The following SFI1 variants were observed in gnomAD, a reference collection of about 807,000 sequenced individuals.
SFI1 encodes the protein SFI1 centrin binding protein.
In SFI1, 195 loss-of-function variants were observed where a neutral mutation model predicts 207.5. That is an observed-to-expected ratio of 0.94 (90% CI 0.84 to 1.06). The LOEUF is 1.06. Among genes scored for constraint, SFI1 ranks in the 50% least tolerant of loss-of-function variants. The pLI is 0.00. For missense variants in SFI1, 1,634 were observed against 1,588.0 expected (o/e 1.03, Z -0.49); for synonymous variants, 630 against 598.9 (o/e 1.05, Z -0.76).
intron 17 of SFI1, among the ~76,000 whole-genome samples, chr22:31,603,215 A>T (rs1449445563): frequency 6.6e-6 from 1 of 152,228 alleles, no homozygotes; most frequent in East Asian, 1.9e-4. Flanking sequence ...CCTGTGCAAC[A>T]GAGCGAGACT....
chr22:31,543,221 T>G (rs1303162973), intron 4 of SFI1, among the ~76,000 whole-genome samples: 1 of 152,022 alleles, frequency 6.6e-6, no homozygotes, highest in East Asian at 1.9e-4. Context: ...CCACCCGCCT[T>G]GGCCTCCCAA....
chr22:31,585,482 G>A (rs1260621915), intron 14 of SFI1, among the ~76,000 whole-genome samples: 1 of 152,224 alleles, frequency 6.6e-6, no homozygotes, highest in East Asian at 1.9e-4. Flanking sequence ...GAGCATAAGT[G>A]CTGCATCCCA....
At chr22:31,582,671 T>C (rs1035339971) in intron 12 of SFI1, among the ~76,000 whole-genome samples, 3 of 152,134 alleles carry the variant, frequency 2.0e-5, no homozygotes, top group African/African-American at 2.4e-5. Context: ...TCACTATTCA[T>C]CTCTAGAACT....
intron 7 of SFI1, chr22:31,559,676 C>T (rs555057849): frequency 5.2e-6 from 4 of 763,640 alleles, no homozygotes; most frequent in South Asian, 2.7e-5. Context: ...TGAGATGGAA[C>T]GTGTGATGAC....
At chr22:31,505,754 C>T (rs1477986819) in intron 1 of SFI1, among the ~76,000 whole-genome samples, 8 of 152,142 alleles carry the variant, frequency 5.3e-5, no homozygotes, top group Non-Finnish European at 1.0e-4. Context: ...CATGGTGGCA[C>T]ATACCTGTGG....
At chr22:31,509,982 A>G (rs1412276581) in intron 2 of SFI1, among the ~76,000 whole-genome samples, 1 of 151,812 alleles carries the variant, frequency 6.6e-6, no homozygotes, top group Non-Finnish European at 1.5e-5. Context: ...GTGCAGTGGT[A>G]CAGTCTCGGC....
At chr22:31,527,144 G>A (rs561741475) in intron 2 of SFI1, among the ~76,000 whole-genome samples, 21 of 152,128 alleles carry the variant, frequency 1.4e-4, no homozygotes, top group African/African-American at 2.2e-4. Flanking sequence ...TGACCCTCCC[G>A]CCTCGGCCTC....
At chr22:31,617,806 A>C (rs1236788441) in intron 31 of SFI1, among the ~76,000 whole-genome samples, 3 of 152,030 alleles carry the variant, frequency 2.0e-5, no homozygotes, top group Non-Finnish European at 2.9e-5. Context: ...CAGCAACCTC[A>C]GAGCTTCCAG....
intron 4 of SFI1, among the ~76,000 whole-genome samples, chr22:31,545,545 TTTTAATTTAATTTAATTTAA>T (rs199762639): frequency 7.4e-6 from 1 of 134,270 alleles, no homozygotes; most frequent in Non-Finnish European, 1.6e-5. Flanking sequence ...GAGATGGAGT[TTTTAATTTAATTTAATTTAA>T]TTTAATTTAA....
intron 1 of SFI1, among the ~76,000 whole-genome samples, chr22:31,498,860 C>CT (rs60377913): frequency 0.49 from 65,417 of 134,714 alleles, 16,277 homozygotes; most frequent in Middle Eastern, 0.61. Flanking sequence ...TTCTTTTTTT[C>CT]TTTTTTTTTT....
intron 5 of SFI1, among the ~76,000 whole-genome samples, chr22:31,549,025 C>T (rs2060370180): frequency 6.6e-6 from 1 of 151,884 alleles, no homozygotes; most frequent in South Asian, 2.1e-4. Context: ...TGGTAGCTCA[C>T]ACCTGTAATC....
At chr22:31,594,052 G>A (rs2066665044) in intron 15 of SFI1, among the ~76,000 whole-genome samples, 2 of 151,424 alleles carry the variant, frequency 1.3e-5, no homozygotes, top group Admixed American at 1.3e-4. Context: ...TATTTCAAGG[G>A]CTTTCAAAAC....
At chr22:31,554,566 C>T (rs1317598183) in intron 6 of SFI1, among the ~76,000 whole-genome samples, 1 of 151,502 alleles carries the variant, frequency 6.6e-6, no homozygotes. Flanking sequence ...CCTCGGCCTC[C>T]CAAAGTGCTG....
At chr22:31,604,429 A>T in intron 19 of SFI1, 25 bp downstream of exon 19, 1 of 1,484,650 alleles carries the variant, frequency 6.7e-7, no homozygotes, top group East Asian at 2.5e-5. Context: ...TTCCCTCCTG[A>T]TCTTGCTGTG....
intron 15 of SFI1, among the ~76,000 whole-genome samples, chr22:31,595,359 G>A (rs2066951052): frequency 6.6e-6 from 1 of 152,180 alleles, no homozygotes; most frequent in Non-Finnish European, 1.5e-5. Flanking sequence ...TTGTGTGATG[G>A]GAGACAGAAA....
At chr22:31,530,088 C>T (rs113850039) in intron 3 of SFI1, among the ~76,000 whole-genome samples, 1,781 of 128,460 alleles carry the variant, frequency 0.014, 41 homozygotes, top group African/African-American at 0.048. Context: ...AGGAGAATGG[C>T]GTGAACCCAG....
intron 7 of SFI1, chr22:31,559,992 T>C (rs1167370450): frequency 2.7e-6 from 1 of 368,612 alleles, no homozygotes; most frequent in African/African-American, 2.1e-5. Context: ...AAAATATAAA[T>C]AAAGTAATAA....
chr22:31,614,234 A>G (rs1052685257), intron 27 of SFI1: 53 of 343,888 alleles, frequency 1.5e-4, no homozygotes, highest in Admixed American at 2.9e-4. Flanking sequence ...GCTCCATCAC[A>G]GCCAAGACAC....
At chr22:31,607,163 A>G (rs148591801) in intron 21 of SFI1, among the ~76,000 whole-genome samples, 49 of 152,310 alleles carry the variant, frequency 3.2e-4, no homozygotes, top group African/African-American at 1.1e-3. Flanking sequence ...GAGCTTGAAG[A>G]GGAGGCCTTT....
Sources: gnomAD v4.1 joint callset for allele counts (sites outside exome capture counted in the v4.1 genomes callset) on GRCh38, gnomAD v4.1.1 for gene constraint, MANE v1.5 for transcripts, NCBI Gene and HGNC (gene_info 2026-07-23, HGNC 2026-07-21) for gene names.